Variants in NPHP1 observed in about 807,000 individuals in gnomAD.
NPHP1 encodes the protein nephrocystin-1.
NPHP1 carries 70 observed loss-of-function variants against 90.4 expected under a neutral mutation model. The observed-to-expected ratio is 0.77, with a 90% CI of 0.64 to 0.95. NPHP1 has a LOEUF of 0.95. Among genes scored for constraint, NPHP1 ranks in the 40% least tolerant of loss-of-function variants. The pLI, the probability that NPHP1 is intolerant of heterozygous loss-of-function variation, is 0.00. For synonymous variants in NPHP1, 256 were observed against 271.7 expected (o/e 0.94, Z 0.57); for missense variants, 764 against 795.9 (o/e 0.96, Z 0.48).
chr2:110,150,770 G>A (rs1314028760), intron 11 of NPHP1, among the ~76,000 whole-genome samples: 1 of 151,356 alleles, frequency 6.6e-6, no homozygotes, highest in Non-Finnish European at 1.5e-5. Context: ...GGCTGGTCTC[G>A]AACTCCTGAC....
At chr2:110,192,702 T>C (rs1202552821) in intron 2 of NPHP1, among the ~76,000 whole-genome samples, 7 of 151,968 alleles carry the variant, frequency 4.6e-5, no homozygotes, top group Non-Finnish European at 8.8e-5. Flanking sequence ...AGACACATAA[T>C]TGTCAGATTC....
intron 11 of NPHP1, among the ~76,000 whole-genome samples, chr2:110,156,788 T>TA (rs1324538681): frequency 6.6e-6 from 1 of 151,306 alleles, no homozygotes; most frequent in Non-Finnish European, 1.5e-5. Context: ...CTGTTTTTTT[T>TA]TTTTTTTGAG....
chr2:110,201,823 C>A (rs563230892), intron 1 of NPHP1, among the ~76,000 whole-genome samples: 70 of 152,098 alleles, frequency 4.6e-4, no homozygotes, highest in Non-Finnish European at 9.1e-4. Flanking sequence ...TGCACAAATA[C>A]GAGGCATACA....
rs753643526 is a variant in NPHP1, at chr2:110,169,940, CACT to C, written c.385_387del (p.Ser129del). On this transcript the variant is annotated inframe_deletion, in exon 5 of 20. Coordinates refer to ENST00000445609, the MANE Select transcript of NPHP1 (RefSeq NM_001128178.3). Reference sequence around the variant, plus strand: ...TCCTCTGCATCTTCTTCCTCCCCACCACTGTCTTCACTATCTTCACTTTCACTT... The same window carrying C: ...TCCTCTGCATCTTCTTCCTCCCCACCGTCTTCACTATCTTCACTTTCACTT... 15 of 1,603,746 alleles carry C rather than the reference CACT, an allele frequency of 9.4e-6. No individual in the cohort carries two copies. The highest frequency in any genetic ancestry group is 6.7e-5 in the African/African-American group (5 of 74,822).
At chr2:110,134,768 C>G (rs181893508) in intron 16 of NPHP1, among the ~76,000 whole-genome samples, 7 of 151,892 alleles carry the variant, frequency 4.6e-5, no homozygotes, top group Admixed American at 4.6e-4. Context: ...CTGAGAAAGC[C>G]TAAAATTTGA....
intron 16 of NPHP1, among the ~76,000 whole-genome samples, chr2:110,143,307 A>G (rs1348200839): frequency 1.3e-5 from 2 of 152,180 alleles, no homozygotes; most frequent in African/African-American, 4.8e-5. Context: ...CAAGTCTTCT[A>G]TTTACTAGAT....
At chr2:110,138,405 G>T (rs894685783) in intron 16 of NPHP1, among the ~76,000 whole-genome samples, 2 of 152,000 alleles carry the variant, frequency 1.3e-5, no homozygotes, top group Non-Finnish European at 2.9e-5. Context: ...TATAATACAG[G>T]TTCTCTTAGC....
intron 2 of NPHP1, among the ~76,000 whole-genome samples, chr2:110,192,373 T>C (rs1285262368): frequency 1.3e-5 from 2 of 152,192 alleles, no homozygotes; most frequent in Non-Finnish European, 2.9e-5. Flanking sequence ...CAAGCTTCAG[T>C]AGCTGATTCG....
chr2:110,138,035 T>C (rs1462055299), intron 16 of NPHP1, among the ~76,000 whole-genome samples: 2 of 151,958 alleles, frequency 1.3e-5, no homozygotes, highest in Non-Finnish European at 2.9e-5. Context: ...GGGACATGGA[T>C]GAAGCTGGAA....
At chr2:110,147,883 A>G in intron 13 of NPHP1, 33 bp downstream of exon 13, 1 of 1,219,016 alleles carries the variant, frequency 8.2e-7, no homozygotes. Flanking sequence ...TTTAACTGAT[A>G]CATTAGAAAG....
At chr2:110,195,575 C>G (rs1409256403) in intron 2 of NPHP1, among the ~76,000 whole-genome samples, 2 of 152,146 alleles carry the variant, frequency 1.3e-5, no homozygotes, top group Admixed American at 1.3e-4. Context: ...AATGACCATA[C>G]TGCCCAAGGT....
chr2:110,136,802 T>A (rs1680234466), intron 16 of NPHP1, among the ~76,000 whole-genome samples: 1 of 152,116 alleles, frequency 6.6e-6, no homozygotes, highest in South Asian at 2.1e-4. Context: ...ATGACTTTCT[T>A]CACAGAATTA....
intron 18 of NPHP1, chr2:110,126,561 A>C (rs1679383761): frequency 6.6e-6 from 1 of 152,608 alleles, no homozygotes; most frequent in Non-Finnish European, 1.5e-5. Flanking sequence ...CCTCCACCCT[A>C]TTAACTGCTG....
chr2:110,125,266 T>C (rs866543974), intron 19 of NPHP1: 3 of 1,536,206 alleles, frequency 2.0e-6, no homozygotes, highest in South Asian at 2.4e-5. Context: ...GTTTTCAATA[T>C]ATGGTACAGC....
chr2:110,204,151 T>C (rs901580109), intron 1 of NPHP1, among the ~76,000 whole-genome samples: 1 of 152,316 alleles, frequency 6.6e-6, no homozygotes, highest in Admixed American at 6.5e-5. Context: ...TGAGCCTAGG[T>C]GCATACACAT....
At chr2:110,134,917 G>A (rs1490778511) in intron 16 of NPHP1, among the ~76,000 whole-genome samples, 1 of 151,920 alleles carries the variant, frequency 6.6e-6, no homozygotes, top group African/African-American at 2.4e-5. Flanking sequence ...TCTAAGATAA[G>A]GAACAAGACA....
intron 2 of NPHP1, among the ~76,000 whole-genome samples, chr2:110,195,986 C>T (rs1215850616): frequency 6.6e-6 from 1 of 152,098 alleles, no homozygotes; most frequent in Non-Finnish European, 1.5e-5. Context: ...TTCCTTACAC[C>T]TTATACAAAA....
chr2:110,200,250 A>G lies in NPHP1; in HGVS notation c.143+1171T>C, dbSNP rs1358493768. Among the ~76,000 whole-genome samples the G allele has an allele frequency of 1.0e-4, 13 of 126,660 alleles. No homozygotes were observed. In the East Asian group the frequency reaches 2.6e-3, roughly 26 times the overall value. The allele number at this position is 126,660 out of a possible 152,430, so 83.1% of individuals were successfully genotyped here. A position where few individuals can be genotyped will look rare whatever the true frequency, so the allele number is the denominator to read the frequency against. The stretch of plus-strand genomic sequence containing the variant: ...AGCCTGGGCGACAGAGAGAGACTCT[A>G]TCTCAAAAAAAATAAAACATAACAA... On this transcript the variant is annotated intron_variant, in intron 2 of 19. Coordinates refer to ENST00000445609, the MANE Select transcript of NPHP1 (RefSeq NM_001128178.3).
chr2:110,179,713 T>G, intron 2 of NPHP1, 29 bp from the exon 3 acceptor site: 4 of 1,012,192 alleles, frequency 4.0e-6, no homozygotes, highest in Non-Finnish European at 6.1e-6. Flanking sequence ...GAAAATATAT[T>G]GATTTTTCTA....
Sources: gnomAD v4.1 joint callset for allele counts (sites outside exome capture counted in the v4.1 genomes callset) on GRCh38, gnomAD v4.1.1 for gene constraint, MANE v1.5 for transcripts, NCBI Gene and HGNC (gene_info 2026-07-23, HGNC 2026-07-21) for gene names.